The following SSBP2 variants were observed in gnomAD, a reference collection of about 807,000 sequenced individuals.
SSBP2 encodes single stranded DNA binding protein 2.
In SSBP2, 17 loss-of-function variants were observed where a neutral mutation model predicts 61.8. The observed-to-expected ratio is 0.28, with a 90% CI of 0.19 to 0.41. SSBP2 has a LOEUF of 0.41. Among genes scored for constraint, SSBP2 ranks in the 10% least tolerant of loss-of-function variants. The pLI is 1.00. For synonymous variants in SSBP2, 139 were observed against 141.3 expected (o/e 0.98, Z 0.12); for missense variants, 310 against 458.7 (o/e 0.68, Z 2.96).
At chr5:81,656,867 A>C (rs1354442052) in intron 1 of SSBP2, among the ~76,000 whole-genome samples, 1 of 152,204 alleles carries the variant, frequency 6.6e-6, no homozygotes, top group Non-Finnish European at 1.5e-5. Context: ...GCAGCTTTTC[A>C]GGAAAATAAC....
At chr5:81,476,995 T>TGTA (rs1257764378) in intron 6 of SSBP2, among the ~76,000 whole-genome samples, 1 of 152,042 alleles carries the variant, frequency 6.6e-6, no homozygotes, top group African/African-American at 2.4e-5. Flanking sequence ...GGTGTGTGTG[T>TGTA]GTATGTGTGT....
intron 4 of SSBP2, among the ~76,000 whole-genome samples, chr5:81,533,607 C>G (rs1413376818): frequency 6.6e-6 from 1 of 152,044 alleles, no homozygotes; most frequent in Non-Finnish European, 1.5e-5. Context: ...GCTGAACAAA[C>G]TGAGAACCCA....
At chr5:81,423,922 A>G (rs1166615374) in intron 16 of SSBP2, among the ~76,000 whole-genome samples, 2 of 152,170 alleles carry the variant, frequency 1.3e-5, no homozygotes, top group Non-Finnish European at 2.9e-5. Flanking sequence ...TCATCTCAAC[A>G]CTGGCAACTG....
chr5:81,547,838 T>C (rs150324279), intron 4 of SSBP2, among the ~76,000 whole-genome samples: 287 of 152,248 alleles, frequency 1.9e-3, no homozygotes, highest in African/African-American at 5.9e-3. Context: ...TACTGTATGA[T>C]TCCAAATATA....
chr5:81,562,437 T>G (rs1259968748), intron 4 of SSBP2, among the ~76,000 whole-genome samples: 1 of 152,138 alleles, frequency 6.6e-6, no homozygotes, highest in Non-Finnish European at 1.5e-5. Context: ...TAAGAGATAA[T>G]TAGGTTGGTC....
intron 4 of SSBP2, among the ~76,000 whole-genome samples, chr5:81,577,933 A>G (rs1774355223): frequency 6.6e-6 from 1 of 152,034 alleles, no homozygotes; most frequent in Non-Finnish European, 1.5e-5. Flanking sequence ...AACACATTAC[A>G]TGAATCATCA....
At chr5:81,578,005 A>C (rs1426643038) in intron 4 of SSBP2, among the ~76,000 whole-genome samples, 1 of 152,068 alleles carries the variant, frequency 6.6e-6, no homozygotes, top group Non-Finnish European at 1.5e-5. Context: ...TTTATAGAAT[A>C]AAAAAGCTTT....
chr5:81,503,646 A>T (rs996775603), intron 5 of SSBP2, among the ~76,000 whole-genome samples: 9 of 152,234 alleles, frequency 5.9e-5, no homozygotes, highest in African/African-American at 1.7e-4. Context: ...ACCCAAAGGA[A>T]TATAAACTAT....
At chr5:81,592,977 C>A (rs547070528) in intron 4 of SSBP2, among the ~76,000 whole-genome samples, 1 of 152,264 alleles carries the variant, frequency 6.6e-6, no homozygotes, top group African/African-American at 2.4e-5. Flanking sequence ...AGCAACAGAA[C>A]AAAGCTGGAC....
intron 4 of SSBP2, among the ~76,000 whole-genome samples, chr5:81,532,963 C>T (rs1201512828): frequency 6.6e-6 from 1 of 151,860 alleles, no homozygotes. Context: ...ACATTTCTCT[C>T]TCAACAACCG....
intron 1 of SSBP2, among the ~76,000 whole-genome samples, chr5:81,680,857 G>A (rs576525260): frequency 1.4e-4 from 22 of 152,198 alleles, no homozygotes; most frequent in Admixed American, 3.9e-4. Context: ...AGAAATGGAC[G>A]GTTCCAGCAG....
intron 4 of SSBP2, among the ~76,000 whole-genome samples, chr5:81,607,994 T>C (rs1298522005): frequency 6.6e-6 from 1 of 152,152 alleles, no homozygotes; most frequent in African/African-American, 2.4e-5. Flanking sequence ...CACCAAGTTG[T>C]ATTTTCCCTT....
chr5:81,590,587 G>C (rs549158570), intron 4 of SSBP2, among the ~76,000 whole-genome samples: 6 of 152,236 alleles, frequency 3.9e-5, no homozygotes, highest in African/African-American at 1.4e-4. Context: ...GAAATGCAGG[G>C]GGAATGCTCG....
rs912568023 is a variant in SSBP2 at position 81,443,358 on chromosome 5, G to A, written c.779-635C>T. On this transcript the variant is annotated intron_variant, in intron 12 of 16. Coordinates refer to ENST00000320672, the MANE Select transcript of SSBP2 (RefSeq NM_012446.5). ...GTACTGCATATCCATATAAATATATGTAACATTGTGCAGTATTTAAAAAAT... is the reference window on the plus strand; with the variant it reads ...GTACTGCATATCCATATAAATATATATAACATTGTGCAGTATTTAAAAAAT... The A allele has an allele frequency of 2.6e-5, 4 of 152,070 alleles. No individual in the cohort carries two copies. The East Asian group carries it at 7.7e-4, about 29-fold the overall frequency. The allele number at this position is 152,070 out of a possible 1,614,324, so 9.4% of individuals were successfully genotyped here.
intron 10 of SSBP2, among the ~76,000 whole-genome samples, chr5:81,454,369 T>G (rs929731463): frequency 3.3e-5 from 5 of 151,980 alleles, no homozygotes; most frequent in African/African-American, 1.2e-4. Context: ...TGCAAAGAAG[T>G]AACAAGAAAT....
At chr5:81,465,846 T>C (rs1764855544) in intron 9 of SSBP2, among the ~76,000 whole-genome samples, 2 of 152,070 alleles carry the variant, frequency 1.3e-5, no homozygotes, top group Admixed American at 1.3e-4. Flanking sequence ...TATCCATTTT[T>C]ACTTTAAAAG....
chr5:81,520,626 AATTT>A lies in SSBP2; in HGVS notation c.283-6913_283-6910del, dbSNP rs1769406006. Among the ~76,000 whole-genome samples the A allele has an allele frequency of 2.6e-5, 4 of 152,220 alleles. No individual in the cohort carries two copies. The South Asian group carries it at 8.3e-4, about 32-fold the overall frequency. On this transcript the variant is annotated intron_variant, in intron 4 of 16. Coordinates refer to ENST00000320672, the MANE Select transcript of SSBP2 (RefSeq NM_012446.5). The stretch of plus-strand genomic sequence containing the variant: ...GTATTATACAATTTTTGTATTTAGA[AATTT>A]ATTAAACAATTTTTTTTGTGGTCTA...
At chr5:81,750,899 T>C in intron 1 of SSBP2, 82 bp downstream of exon 1, 1 of 1,439,980 alleles carries the variant, frequency 6.9e-7, no homozygotes, top group African/African-American at 1.4e-5. Flanking sequence ...GGAGAGTGTC[T>C]GTGTCTCCCA....
chr5:81,465,619 C>T (rs139937248), intron 9 of SSBP2, among the ~76,000 whole-genome samples: 11 of 152,078 alleles, frequency 7.2e-5, no homozygotes, highest in African/African-American at 2.6e-4. Flanking sequence ...ATATATACTC[C>T]TTACATTTAT....
Sources: allele counts gnomAD v4.1 joint callset (sites outside exome capture counted in the v4.1 genomes callset), GRCh38; gene constraint gnomAD v4.1.1; transcripts MANE v1.5; gene names NCBI Gene and HGNC (gene_info 2026-07-23, HGNC 2026-07-21).